Variants in RPS6KA2 observed in about 807,000 individuals in gnomAD.
RPS6KA2 encodes ribosomal protein S6 kinase alpha-2.
A neutral mutation model predicts 91.8 loss-of-function variants in RPS6KA2; 42 were observed. The observed-to-expected ratio is 0.46, with a 90% CI of 0.36 to 0.59. The LOEUF is 0.59. Ranked by LOEUF, RPS6KA2 falls within the 20% of genes least tolerant of loss-of-function variation. RPS6KA2 has a pLI of 0.00. For missense variants in RPS6KA2, 798 were observed against 978.5 expected, an observed-to-expected ratio of 0.82 and a Z score of 2.46; for synonymous variants, 414 against 393.6, an observed-to-expected ratio of 1.05 and a Z score of -0.61.
chr6:166,561,247 A>G (rs955336062), intron 1 of RPS6KA2, among the ~76,000 whole-genome samples: 1 of 152,088 alleles, frequency 6.6e-6, no homozygotes, highest in Non-Finnish European at 1.5e-5. Context: ...ATGTGTTGTC[A>G]TCTCCACCCA....
intron 2 of RPS6KA2, among the ~76,000 whole-genome samples, chr6:166,734,998 T>C (rs1409334364): frequency 6.6e-6 from 1 of 152,238 alleles, no homozygotes; most frequent in Admixed American, 6.5e-5. Context: ...TTTATGTCTA[T>C]AGCCTTGCAC....
intron 1 of RPS6KA2, among the ~76,000 whole-genome samples, chr6:166,619,395 T>C (rs930187223): frequency 2.6e-5 from 4 of 152,388 alleles, no homozygotes; most frequent in African/African-American, 9.6e-5. Context: ...TCTGTGTTTC[T>C]TTCCTTCGCT....
At chr6:166,782,892 G>A (rs149593319) in intron 2 of RPS6KA2, among the ~76,000 whole-genome samples, 259 of 151,056 alleles carry the variant, frequency 1.7e-3, no homozygotes, top group African/African-American at 6.2e-3. Context: ...CTCTGCTCTG[G>A]GTGATCATGG....
intron 2 of RPS6KA2, among the ~76,000 whole-genome samples, chr6:166,797,903 G>T (rs532585889): frequency 1.3e-5 from 2 of 152,280 alleles, no homozygotes; most frequent in African/African-American, 4.8e-5. Flanking sequence ...TGCTGGTCAA[G>T]GGAGGTAAAA....
intron 12 of RPS6KA2, among the ~76,000 whole-genome samples, chr6:166,456,503 C>T (rs955293225): frequency 4.6e-5 from 7 of 152,194 alleles, no homozygotes; most frequent in African/African-American, 1.4e-4. Context: ...ATTGGCATCT[C>T]GGGCTAAGCA....
chr6:166,416,403 AC>A (rs1778525480), intron 19 of RPS6KA2, among the ~76,000 whole-genome samples: 1 of 149,966 alleles, frequency 6.7e-6, no homozygotes, highest in Middle Eastern at 3.4e-3. Flanking sequence ...CATTAGCCTC[AC>A]CATCATCCCC....
At position 166,548,308 on chromosome 6, in the gene RPS6KA2, C is replaced by T. The variant is rs116702854; in HGVS notation, c.100-9524G>A. On this transcript the variant is annotated intron_variant, in intron 1 of 20. Transcript: ENST00000265678. Reference sequence around the variant, plus strand: ...AAATGCACCTGTAGGTATAATCTCCCATCAAAATCTGAGCAAGCATTTTTT... The same window carrying T: ...AAATGCACCTGTAGGTATAATCTCCTATCAAAATCTGAGCAAGCATTTTTT... 6.7e-3 allele frequency among the ~76,000 whole-genome samples: 1,021 copies of T among 152,300 alleles called. 12 individuals carry two copies. The highest frequency in any genetic ancestry group is 0.024 in the African/African-American group (983 of 41,566).
chr6:166,766,179 C>A (rs1016822436), intron 2 of RPS6KA2, among the ~76,000 whole-genome samples: 2 of 152,116 alleles, frequency 1.3e-5, no homozygotes, highest in South Asian at 2.1e-4. Context: ...ATAGAGGATA[C>A]CTTCAATTGG....
chr6:166,611,000 T>A, intron 1 of RPS6KA2, among the ~76,000 whole-genome samples: 1 of 152,166 alleles, frequency 6.6e-6, no homozygotes, highest in Non-Finnish European at 1.5e-5. Context: ...AACAAAAGTA[T>A]CCTTAAACCT....
At chr6:166,810,633 G>T (rs537845613) in intron 2 of RPS6KA2, among the ~76,000 whole-genome samples, 1 of 152,234 alleles carries the variant, frequency 6.6e-6, no homozygotes, top group African/African-American at 2.4e-5. Flanking sequence ...CTGTCTTCTT[G>T]TCCACCCCAC....
intron 1 of RPS6KA2, among the ~76,000 whole-genome samples, chr6:166,542,887 C>T (rs1425814962): frequency 6.6e-6 from 1 of 152,070 alleles, no homozygotes; most frequent in Non-Finnish European, 1.5e-5. Context: ...ATGATAAGGA[C>T]ATAGGAAACA....
intron 2 of RPS6KA2, among the ~76,000 whole-genome samples, chr6:166,657,837 C>G (rs74354928): frequency 0.021 from 3,196 of 152,320 alleles, 51 homozygotes; most frequent in Non-Finnish European, 0.034. Flanking sequence ...GACCGAAAAC[C>G]TGAACTGCAG....
intron 2 of RPS6KA2, among the ~76,000 whole-genome samples, chr6:166,746,004 G>A (rs781667969): frequency 3.9e-5 from 6 of 152,240 alleles, no homozygotes; most frequent in Non-Finnish European, 8.8e-5. Context: ...ATCTGAGCCA[G>A]CGGTGCTGCT....
At chr6:166,827,011 G>A (rs1099656) in intron 2 of RPS6KA2, among the ~76,000 whole-genome samples, 110,109 of 152,004 alleles carry the variant, frequency 0.72, 40,605 homozygotes, top group Non-Finnish European at 0.8. Flanking sequence ...TGGTTAGTAA[G>A]GGTAGGGAGG....
intron 2 of RPS6KA2, among the ~76,000 whole-genome samples, chr6:166,642,982 T>C (rs899504809): frequency 1.3e-5 from 2 of 152,216 alleles, no homozygotes; most frequent in Non-Finnish European, 2.9e-5. Context: ...TTCCCCAAGC[T>C]CAGCTTTCCT....
chr6:166,601,693 C>A (rs1412376816), intron 1 of RPS6KA2, among the ~76,000 whole-genome samples: 2 of 152,154 alleles, frequency 1.3e-5, no homozygotes, highest in East Asian at 3.8e-4. Flanking sequence ...AATTGGTTAT[C>A]TTATTTAAAA....
At chr6:166,611,337 C>T (rs1380471343) in intron 1 of RPS6KA2, among the ~76,000 whole-genome samples, 2 of 152,190 alleles carry the variant, frequency 1.3e-5, no homozygotes, top group Admixed American at 1.3e-4. Flanking sequence ...AGATTCATGC[C>T]CCTCTGCTCA....
Position 166,453,219 on chromosome 6 carries a change from ACACACAC to A in RPS6KA2, c.1076-1993_1076-1987del, listed in dbSNP as rs1284439825. On this transcript the variant is annotated intron_variant, in intron 12 of 20. Transcript: ENST00000265678. ...CCATCACACACACACACACACACAC[ACACACAC>A]ACACAAAAAGGCTTTAAGACCAGCA... Among the ~76,000 whole-genome samples the A allele has an allele frequency of 4.1e-3, 603 of 147,820 alleles. 7 individuals carry two copies. Among genetic ancestry groups the A allele is most frequent in the African/African-American group, 0.014 (577 of 40,668 alleles).
intron 1 of RPS6KA2, among the ~76,000 whole-genome samples, chr6:166,588,064 A>G (rs1785238775): frequency 6.6e-6 from 1 of 152,242 alleles, no homozygotes; most frequent in Admixed American, 6.5e-5. Context: ...ATCATGAACT[A>G]AAAGTGAACT....
Sources: gnomAD v4.1 joint callset for allele counts (sites outside exome capture counted in the v4.1 genomes callset) on GRCh38, gnomAD v4.1.1 for gene constraint, MANE v1.5 for transcripts, NCBI Gene and HGNC (gene_info 2026-07-23, HGNC 2026-07-21) for gene names.